The following DPF3 variants were observed in gnomAD, a reference collection of about 807,000 sequenced individuals.
DPF3 encodes zinc finger protein DPF3.
Under a neutral mutation model 56.8 loss-of-function variants are expected in DPF3, and 18 were observed. The ratio of observed to expected loss-of-function variants is 0.32; its 90% confidence interval spans 0.22 to 0.47. DPF3 has a LOEUF of 0.47. Among genes scored for constraint, DPF3 ranks in the 20% least tolerant of loss-of-function variants. DPF3 has a pLI of 1.00. For missense variants in DPF3, 403 were observed against 488.8 expected (o/e 0.82, Z 1.65); for synonymous variants, 188 against 180.2 (o/e 1.04, Z -0.35).
intron 7 of DPF3, among the ~76,000 whole-genome samples, chr14:72,690,541 AAC>A (rs1369994353): frequency 3.8e-5 from 3 of 78,116 alleles, no homozygotes; most frequent in Non-Finnish European, 1.5e-4. Flanking sequence ...ATGCACAAAC[AAC>A]ACGCACACAC....
At chr14:72,707,805 T>C (rs985426999) in intron 6 of DPF3, among the ~76,000 whole-genome samples, 11 of 92,416 alleles carry the variant, frequency 1.2e-4, no homozygotes, top group Non-Finnish European at 1.6e-4. Flanking sequence ...TTTTGTTTTT[T>C]CCTCTATTTT....
intron 2 of DPF3, among the ~76,000 whole-genome samples, chr14:72,769,573 G>A (rs564644249): frequency 2.6e-5 from 4 of 151,556 alleles, no homozygotes; most frequent in Admixed American, 6.6e-5. Context: ...CCAGCTACTC[G>A]GGAGGCTGAG....
chr14:72,715,617 T>A, intron 5 of DPF3, among the ~76,000 whole-genome samples: 1 of 151,664 alleles, frequency 6.6e-6, no homozygotes, highest in African/African-American at 2.4e-5. Flanking sequence ...TTGGATACTC[T>A]CACACACACA....
intron 1 of DPF3, among the ~76,000 whole-genome samples, chr14:72,882,008 C>T (rs950986688): frequency 2.6e-5 from 4 of 152,108 alleles, no homozygotes; most frequent in African/African-American, 7.2e-5. Context: ...AGGACTGTGA[C>T]GTTGGAACCT....
intron 1 of DPF3, among the ~76,000 whole-genome samples, chr14:72,830,898 A>T (rs972521502): frequency 6.6e-6 from 1 of 152,066 alleles, no homozygotes; most frequent in Non-Finnish European, 1.5e-5. Context: ...AATCCTGCTC[A>T]TGGGAATTAA....
intron 1 of DPF3, among the ~76,000 whole-genome samples, chr14:72,849,009 A>G (rs1416931676): frequency 6.6e-6 from 1 of 152,178 alleles, no homozygotes. Context: ...AAGGTAGAAA[A>G]TATTAATATC....
intron 8 of DPF3, among the ~76,000 whole-genome samples, chr14:72,651,554 T>C (rs765763244): frequency 1.1e-4 from 17 of 152,338 alleles, no homozygotes; most frequent in Non-Finnish European, 2.5e-4. Flanking sequence ...AAGTAATTTT[T>C]TGAATGTCAC....
chr14:72,698,759 G>C (rs942764568), intron 6 of DPF3, among the ~76,000 whole-genome samples: 1 of 152,172 alleles, frequency 6.6e-6, no homozygotes, highest in Non-Finnish European at 1.5e-5. Context: ...ATGCATTTTC[G>C]ACTTAGGATA....
chr14:72,775,254 T>C (rs1280628506), intron 1 of DPF3, among the ~76,000 whole-genome samples: 1 of 152,140 alleles, frequency 6.6e-6, no homozygotes, highest in Non-Finnish European at 1.5e-5. Flanking sequence ...AATGAAAAAT[T>C]GTATAGCAAA....
intron 1 of DPF3, 34 bp from the exon 2 acceptor site, chr14:72,771,927 G>T: frequency 6.7e-7 from 1 of 1,488,006 alleles, no homozygotes; most frequent in South Asian, 1.4e-5. Flanking sequence ...GGTGAGGCCA[G>T]GGAAGACTGA....
intron 1 of DPF3, chr14:72,892,585 C>T (rs1326434067): frequency 2.4e-6 from 3 of 1,269,316 alleles, no homozygotes; most frequent in East Asian, 3.4e-5. Context: ...TTAGGAACCC[C>T]CTACCGTCCC....
At chr14:72,710,915 T>G (rs1488710611) in intron 6 of DPF3, among the ~76,000 whole-genome samples, 2 of 152,238 alleles carry the variant, frequency 1.3e-5, no homozygotes, top group Non-Finnish European at 2.9e-5. Context: ...ATAAATCATG[T>G]TCAGGTGATT....
At chr14:72,724,528 T>C (rs1028903236) in intron 4 of DPF3, among the ~76,000 whole-genome samples, 15 of 151,914 alleles carry the variant, frequency 9.9e-5, no homozygotes, top group African/African-American at 3.4e-4. Flanking sequence ...ACTCTCCATG[T>C]AGGGGCCTAA....
chr14:72,631,656 G>A (rs1178266792), intron 8 of DPF3, among the ~76,000 whole-genome samples: 1 of 152,196 alleles, frequency 6.6e-6, no homozygotes, highest in Non-Finnish European at 1.5e-5. Context: ...AACTTACGAA[G>A]TACTTATTGA....
intron 7 of DPF3, among the ~76,000 whole-genome samples, chr14:72,685,875 C>T (rs887514900): frequency 6.6e-6 from 1 of 152,178 alleles, no homozygotes; most frequent in Non-Finnish European, 1.5e-5. Context: ...ACACGTGGAG[C>T]CCCAATCCTA....
Position 72,795,292 on chromosome 14 carries a change from AAAAATATATAT to A in DPF3, c.33-23410_33-23400del, listed in dbSNP as rs1331785839. 1.3e-3 allele frequency among the ~76,000 whole-genome samples: 131 copies of A among 99,550 alleles called. 6 individuals are homozygous for A. In the East Asian group the frequency reaches 0.03, roughly 23 times the overall value. The allele number at this position is 99,550 out of a possible 152,430, so 65.3% of individuals were successfully genotyped here. On this transcript the variant is annotated intron_variant, in intron 1 of 10. Coordinates refer to ENST00000556509, the MANE Select transcript of DPF3 (RefSeq NM_001280542.3). ...CTCTTTTTGACAAAAAAAAAAAAAAAAAAATATATATATATATATATATATAAGGCAGATGG... is the reference window on the plus strand; with the variant it reads ...CTCTTTTTGACAAAAAAAAAAAAAAAATATATATATATATAAGGCAGATGG...
In DPF3 at chr14:72,615,741, G is replaced by A. The variant is rs976304869; in HGVS notation, c.*3556C>T. Among the ~76,000 whole-genome samples the A allele has an allele frequency of 1.3e-5, 2 of 152,238 alleles. No individual in the cohort carries two copies. The highest frequency in any genetic ancestry group is 4.8e-5 in the African/African-American group (2 of 41,468). On this transcript the variant is annotated 3_prime_UTR_variant, in exon 11 of 11. Transcript: ENST00000556509. ...GGACCTGCTGGCTCCTGCTTCAGGG[G>A]CGATGAGTCAGTGAGGGGTTCCAAA...
At chr14:72,732,827 C>A (rs952306996) in intron 3 of DPF3, among the ~76,000 whole-genome samples, 4 of 152,102 alleles carry the variant, frequency 2.6e-5, no homozygotes, top group Admixed American at 2.6e-4. Flanking sequence ...CTTTCCTTCC[C>A]TCCTTTCTTT....
chr14:72,779,177 G>A (rs1239037432), intron 1 of DPF3, among the ~76,000 whole-genome samples: 1 of 152,222 alleles, frequency 6.6e-6, no homozygotes, highest in Non-Finnish European at 1.5e-5. Context: ...TTAAATTACA[G>A]CAGGAAGGCT....
Sources: allele counts gnomAD v4.1 joint callset (sites outside exome capture counted in the v4.1 genomes callset), GRCh38; gene constraint gnomAD v4.1.1; transcripts MANE v1.5; gene names NCBI Gene and HGNC (gene_info 2026-07-23, HGNC 2026-07-21).